KIAA1755: variants seen among roughly 807,000 people sequenced by gnomAD.
The protein encoded by KIAA1755 is KIAA1755, also known as uncharacterized protein KIAA1755.
KIAA1755 carries 68 observed loss-of-function variants against 91.7 expected under a neutral mutation model. The observed-to-expected ratio is 0.74, with a 90% confidence interval of 0.61 to 0.91. The LOEUF is 0.91. Ranked by LOEUF, KIAA1755 falls within the 40% of genes least tolerant of loss-of-function variation. The probability of loss-of-function intolerance (pLI) is 0.00; values close to 1 mark genes in which losing one functional copy is unlikely to be tolerated. For synonymous variants in KIAA1755, 610 were observed against 604.6 expected (o/e 1.01, Z -0.13); for missense variants, 1,535 against 1,494.4 (o/e 1.03, Z -0.45).
intron 1 of KIAA1755, among the ~76,000 whole-genome samples, chr20:38,247,999 G>A (rs1279004639): frequency 6.6e-6 from 1 of 152,166 alleles, no homozygotes; most frequent in Non-Finnish European, 1.5e-5. Flanking sequence ...AGGCTGAGGT[G>A]GGTGGATCCC....
rs1016117245 is a variant in KIAA1755, at chr20:38,260,597, G to A, written c.-97C>T. 9 of 1,426,186 alleles carry A rather than the reference G, an allele frequency of 6.3e-6. No individual in the cohort carries two copies. Among genetic ancestry groups the A allele is most frequent in the East Asian group, 2.6e-5 (1 of 38,958 alleles). The allele number at this position is 1,426,186 out of a possible 1,614,324, so 88.3% of individuals were successfully genotyped here. The stretch of plus-strand genomic sequence containing the variant: ...TCTGTCTGGGGCAGCCCTCGGTCCC[G>A]CCTAGCCCTGGAGCCAGGGGATAGG... On this transcript the variant is annotated 5_prime_UTR_variant, in exon 1 of 14. Transcript: ENST00000279024.
chr20:38,239,228 A>G (rs2076009859), intron 4 of KIAA1755, among the ~76,000 whole-genome samples: 1 of 152,188 alleles, frequency 6.6e-6, no homozygotes. Context: ...CACTTTCCCA[A>G]AAATCTATGT....
At position 38,213,690 on chromosome 20, in the gene KIAA1755, G is replaced by T. The variant is rs771528481; in HGVS notation, c.2955C>A (p.Asp985Glu). 1.9e-6 allele frequency: 3 copies of T among 1,556,524 alleles called. No individual in the cohort carries two copies. The African/African-American group carries it at 4.1e-5, about 21-fold the overall frequency. Residue 985 changes from aspartate to glutamate, a missense_variant, in exon 14 of 14, where the codon GAC becomes GAA. Physicochemically the swap from Asp to Glu is conservative, Grantham distance 45. Coordinates refer to ENST00000279024, the MANE Select transcript of KIAA1755 (RefSeq NM_001029864.2). ...CQDLMAQLRL[D>E]KTSRVSPGDQ... Reference sequence around the variant, plus strand: ...CCCCAGGACTGACCCTTGAGGTCTTGTCCAGCCTGAGCTGGGCCATCAGGT... The same window carrying T: ...CCCCAGGACTGACCCTTGAGGTCTTTTCCAGCCTGAGCTGGGCCATCAGGT...
At chr20:38,249,971 A>T (rs546725521) in intron 1 of KIAA1755, among the ~76,000 whole-genome samples, 1 of 152,204 alleles carries the variant, frequency 6.6e-6, no homozygotes, top group Non-Finnish European at 1.5e-5. Context: ...TGCAGCCTTG[A>T]GTAGGTCCTT....
At chr20:38,223,740 C>T (rs1176742899) in intron 8 of KIAA1755, 104 bp from the exon 9 acceptor site, 2 of 764,794 alleles carry the variant, frequency 2.6e-6, no homozygotes, top group East Asian at 3.0e-5. Flanking sequence ...AGTGGCTCTC[C>T]AACTCCAGGT....
chr20:38,228,347 G>T, intron 5 of KIAA1755, 107 bp from the exon 6 acceptor site: 2 of 788,598 alleles, frequency 2.5e-6, no homozygotes, highest in Non-Finnish European at 1.9e-6. Context: ...TGATTTACTG[G>T]TGAACTCTTC....
intron 10 of KIAA1755, among the ~76,000 whole-genome samples, chr20:38,221,420 A>C (rs2075656842): frequency 6.6e-6 from 1 of 152,098 alleles, no homozygotes; most frequent in South Asian, 2.1e-4. Flanking sequence ...AGATGACCCC[A>C]TACCAGTGCT....
intron 1 of KIAA1755, among the ~76,000 whole-genome samples, chr20:38,254,351 GA>G (rs141031019): frequency 0.12 from 18,657 of 149,816 alleles, 1,192 homozygotes; most frequent in African/African-American, 0.14. Context: ...GTTCCTTGGG[GA>G]AAAAAAAAAT....
chr20:38,221,701 T>C (rs1169930161), intron 10 of KIAA1755, among the ~76,000 whole-genome samples: 1 of 152,198 alleles, frequency 6.6e-6, no homozygotes, highest in African/African-American at 2.4e-5. Flanking sequence ...AAGTGCTATT[T>C]AGGTCTTGGT....
Position 38,240,694 on chromosome 20 carries a change from C to T in KIAA1755, c.1437G>A (p.Gln479=). The T allele has an allele frequency of 1.3e-6, 2 of 1,563,048 alleles. No individual in the cohort carries two copies. Among genetic ancestry groups the T allele is most frequent in the Non-Finnish European group, 1.7e-6 (2 of 1,155,836 alleles). The change falls in exon 3 of 14, where the codon CAG becomes CAA. Residue 479 remains glutamine (Q), a synonymous_variant. Coordinates refer to ENST00000279024, the MANE Select transcript of KIAA1755 (RefSeq NM_001029864.2). ...PGLKFSFLRG[Q]RQPSVTPEKA... ...TCTCCGGGGTCACAGAGGGTTGCCT[C>T]TGCCCTCTCAAGAATGAGAATTTGA...
At chr20:38,233,718 TG>T (rs1168093452) in intron 4 of KIAA1755, 1 of 152,208 alleles carries the variant, frequency 6.6e-6, no homozygotes, top group African/African-American at 2.4e-5. Flanking sequence ...TATGGCTCCT[TG>T]TGGCCTTGAA....
At chr20:38,229,462 C>G (rs1193607161) in intron 5 of KIAA1755, among the ~76,000 whole-genome samples, 1 of 152,182 alleles carries the variant, frequency 6.6e-6, no homozygotes, top group South Asian at 2.1e-4. Flanking sequence ...TATGTCCTTG[C>G]CTCCCTCTGG....
chr20:38,219,383 G>A (rs2075613205), intron 11 of KIAA1755, among the ~76,000 whole-genome samples: 1 of 152,216 alleles, frequency 6.6e-6, no homozygotes, highest in African/African-American at 2.4e-5. Flanking sequence ...CTGGCCCAGG[G>A]CTTGGCACAG....
In KIAA1755 at chr20:38,213,096, G is replaced by A; in HGVS notation, c.3549C>T (p.Asp1183=). The A allele has an allele frequency of 6.3e-7, 1 of 1,592,488 alleles. No homozygotes were observed. ...TGGSFSSEGT[D]SQTSLEDSPQ... ...GTGAGTCCTCAAGGGATGTCTGTGA[G>A]TCTGTCCCCTCTGAGGAGAAGCTGC... The change falls in exon 14 of 14, where the codon GAC becomes GAT. Residue 1183 remains aspartate, a synonymous_variant. Transcript: ENST00000279024.
intron 5 of KIAA1755, 99 bp downstream of exon 5, chr20:38,231,103 G>A (rs867441609): frequency 3.0e-5 from 39 of 1,296,488 alleles, no homozygotes; most frequent in Middle Eastern, 2.4e-4. Context: ...ACGACTGGAT[G>A]GAAGGATATG....
chr20:38,250,504 G>GTGTGTC (rs1555830376), intron 1 of KIAA1755, among the ~76,000 whole-genome samples: 30 of 143,732 alleles, frequency 2.1e-4, no homozygotes, highest in African/African-American at 2.3e-4. Flanking sequence ...GTGTGTGTGT[G>GTGTGTC]TGTGTGTCTG....
intron 1 of KIAA1755, among the ~76,000 whole-genome samples, chr20:38,252,859 A>G (rs6014451): frequency 0.2 from 29,869 of 152,044 alleles, 4,182 homozygotes; most frequent in African/African-American, 0.4. Flanking sequence ...CTCATAAGCC[A>G]TCCAAGTATT....
At chr20:38,259,260 C>T (rs925977019) in intron 1 of KIAA1755, among the ~76,000 whole-genome samples, 1 of 152,142 alleles carries the variant, frequency 6.6e-6, no homozygotes, top group Non-Finnish European at 1.5e-5. Context: ...TGTGTGTGTA[C>T]ACCTGTCCCC....
chr20:38,216,664 T>G (rs376554542), intron 13 of KIAA1755, among the ~76,000 whole-genome samples: 24 of 152,276 alleles, frequency 1.6e-4, no homozygotes, highest in African/African-American at 5.5e-4. Context: ...AGCTCCTAAA[T>G]CAAATCATCC....
Sources: allele counts gnomAD v4.1 joint callset (sites outside exome capture counted in the v4.1 genomes callset), GRCh38; gene constraint gnomAD v4.1.1; transcripts MANE v1.5; gene names NCBI Gene and HGNC (gene_info 2026-07-23, HGNC 2026-07-21).